Variants in TENM1 observed in about 807,000 individuals in gnomAD.
TENM1 encodes the protein teneurin-1.
In TENM1, 35 loss-of-function variants were observed where a neutral mutation model predicts 174.8. The ratio of observed to expected loss-of-function variants is 0.20; its 90% confidence interval spans 0.15 to 0.27. The LOEUF is 0.27. Among genes scored for constraint, TENM1 ranks in the 10% least tolerant of loss-of-function variants. The pLI is 1.00. For synonymous variants in TENM1, 781 were observed against 798.7 expected, an observed-to-expected ratio of 0.98 and a Z score of 0.37; for missense variants, 1,633 against 2,130.1, an observed-to-expected ratio of 0.77 and a Z score of 4.59.
chrX:124,463,057 T>A (rs1050206929), intron 22 of TENM1, among the ~76,000 whole-genome samples: 4 of 111,851 alleles, frequency 3.6e-5, no homozygotes, highest in African/African-American at 1.3e-4. Flanking sequence ...ATAGCTACAA[T>A]GAATAGCTCA....
intron 3 of TENM1, among the ~76,000 whole-genome samples, chrX:124,835,821 A>C (rs777631467): frequency 8.9e-6 from 1 of 112,055 alleles, no homozygotes; most frequent in South Asian, 3.7e-4. Context: ...TTGGAATATC[A>C]CTCCACAGGG....
At chrX:125,169,781 TC>T in the TENM1 span, among the ~76,000 whole-genome samples, 7 of 110,600 alleles carry the variant, frequency 6.3e-5, no homozygotes, top group South Asian at 2.7e-3. Flanking sequence ...TTTTTTTTTT[TC>T]ATTCTCATTC....
the TENM1 span, among the ~76,000 whole-genome samples, chrX:125,032,615 TC>T: frequency 1.8e-5 from 2 of 111,580 alleles, no homozygotes; most frequent in Admixed American, 9.6e-5. Context: ...TATTCAAACA[TC>T]CCTTGTACTA....
the TENM1 span, among the ~76,000 whole-genome samples, chrX:125,140,190 C>A: frequency 3.6e-5 from 4 of 111,459 alleles, no homozygotes; most frequent in Non-Finnish European, 7.5e-5. Context: ...CGCGACTGTG[C>A]CACATCGTAA....
At chrX:124,788,855 A>G (rs182657340) in intron 3 of TENM1, among the ~76,000 whole-genome samples, 2 of 111,730 alleles carry the variant, frequency 1.8e-5, no homozygotes, top group African/African-American at 6.5e-5. Flanking sequence ...GTGGATCTAC[A>G]ATTCTGGGGT....
intron 11 of TENM1, among the ~76,000 whole-genome samples, chrX:124,637,674 CTT>C (rs750482919): frequency 3.6e-5 from 4 of 111,587 alleles, no homozygotes; most frequent in African/African-American, 9.8e-5. Context: ...GATCTGTGGT[CTT>C]TTGTGATCAC....
At chrX:124,784,685 G>C (rs2147183950) in intron 3 of TENM1, among the ~76,000 whole-genome samples, 1 of 111,711 alleles carries the variant, frequency 9.0e-6, no homozygotes, top group East Asian at 2.8e-4. Context: ...ATATTAGTTA[G>C]TCAGGTTTTA....
the TENM1 span, among the ~76,000 whole-genome samples, chrX:125,075,850 A>G: frequency 9.4e-6 from 1 of 106,158 alleles, no homozygotes; most frequent in Non-Finnish European, 1.9e-5. Context: ...CTCTTCTCTG[A>G]GATCATTCTA....
the TENM1 span, among the ~76,000 whole-genome samples, chrX:125,076,041 A>G: frequency 1.8e-5 from 2 of 112,095 alleles, no homozygotes; most frequent in African/African-American, 6.5e-5. Flanking sequence ...ACTACTATAG[A>G]AAAAGTAAGA....
intron 5 of TENM1, among the ~76,000 whole-genome samples, chrX:124,695,443 G>A (rs2206237): frequency 0.2 from 22,497 of 110,181 alleles, 2,993 homozygotes; most frequent in African/African-American, 0.49. Flanking sequence ...GGAGGGAAAC[G>A]CAAAGGGAGA....
chrX:124,643,139 A>C (rs1404101541), intron 10 of TENM1, among the ~76,000 whole-genome samples: 1 of 112,091 alleles, frequency 8.9e-6, no homozygotes, highest in African/African-American at 3.2e-5. Flanking sequence ...GAGAGAGGGA[A>C]AGTCCAAAGT....
the TENM1 span, among the ~76,000 whole-genome samples, chrX:125,172,968 C>T: frequency 9.0e-5 from 10 of 110,953 alleles, no homozygotes; most frequent in African/African-American, 1.3e-4. Flanking sequence ...CTGAGGGTGC[C>T]GACATCTGGC....
At chrX:125,035,561 G>A in the TENM1 span, among the ~76,000 whole-genome samples, 1 of 111,022 alleles carries the variant, frequency 9.0e-6, no homozygotes, top group Non-Finnish European at 1.9e-5. Flanking sequence ...GGGGGTATAT[G>A]CAGCAACTCT....
intron 11 of TENM1, among the ~76,000 whole-genome samples, chrX:124,580,160 A>G (rs779682396): frequency 8.9e-6 from 1 of 111,861 alleles, no homozygotes; most frequent in South Asian, 3.7e-4. Context: ...ATTAAATCAA[A>G]GTAACGACAT....
In TENM1 at chrX:124,450,499, A is replaced by T. The variant is rs370177189; in HGVS notation, c.4104+2838T>A. Among the ~76,000 whole-genome samples, 9 of 112,085 alleles carry T rather than the reference A, an allele frequency of 8.0e-5. No individual in the cohort carries two copies. In the East Asian group the frequency reaches 1.7e-3, roughly 21 times the overall value. ...CCCCACCATGGAGAACTGTAAGTCC[A>T]ATAAACCTCTTTCTTTTGTAAGTTG... On this transcript the variant is annotated intron_variant, in intron 23 of 31. Transcript: ENST00000422452.
At chrX:124,810,271 T>C (rs2055730438) in intron 3 of TENM1, among the ~76,000 whole-genome samples, 1 of 111,716 alleles carries the variant, frequency 9.0e-6, no homozygotes, top group Non-Finnish European at 1.9e-5. Context: ...AAAGAAGTTA[T>C]GTTGTTCCTG....
intron 4 of TENM1, among the ~76,000 whole-genome samples, chrX:124,728,558 C>A (rs2053493986): frequency 9.0e-6 from 1 of 111,212 alleles, no homozygotes; most frequent in African/African-American, 3.3e-5. Flanking sequence ...ATTTTTAGGC[C>A]ATTTTCTCAG....
intron 23 of TENM1, among the ~76,000 whole-genome samples, chrX:124,428,888 A>G (rs2060747325): frequency 9.0e-6 from 1 of 111,456 alleles, no homozygotes; most frequent in Non-Finnish European, 1.9e-5. Flanking sequence ...TTATTGACTT[A>G]ATATTTTGCT....
At chrX:124,854,991 A>G (rs1217630987) in intron 3 of TENM1, among the ~76,000 whole-genome samples, 2 of 111,526 alleles carry the variant, frequency 1.8e-5, no homozygotes, top group African/African-American at 6.5e-5. Flanking sequence ...ATACTTGGAG[A>G]CTGAATGGTA....
Sources: allele counts gnomAD v4.1 joint callset (sites outside exome capture counted in the v4.1 genomes callset), GRCh38; gene constraint gnomAD v4.1.1; transcripts MANE v1.5; gene names NCBI Gene and HGNC (gene_info 2026-07-23, HGNC 2026-07-21).